Variants in PHACTR1 observed in about 807,000 individuals in gnomAD.
PHACTR1 encodes the protein phosphatase and actin regulator 1.
In PHACTR1, 16 loss-of-function variants were observed where a neutral mutation model predicts 69.2. The ratio of observed to expected loss-of-function variants is 0.23; its 90% CI spans 0.16 to 0.35. PHACTR1 has a LOEUF of 0.35. Ranked by LOEUF, PHACTR1 falls within the 10% of genes least tolerant of loss-of-function variation. PHACTR1 has a pLI of 1.00. For synonymous variants in PHACTR1, 312 were observed against 284.5 expected (o/e 1.10, Z -0.97); for missense variants, 510 against 734.7 (o/e 0.69, Z 3.54).
chr6:13,143,014 A>ACT (rs1822745139), intron 5 of PHACTR1, among the ~76,000 whole-genome samples: 1 of 152,340 alleles, frequency 6.6e-6, no homozygotes, highest in South Asian at 2.1e-4. Flanking sequence ...AAAAGAGGAA[A>ACT]GTGCCCAGCA....
chr6:13,266,298 C>T (rs1363424911), intron 10 of PHACTR1, among the ~76,000 whole-genome samples: 3 of 152,166 alleles, frequency 2.0e-5, no homozygotes, highest in East Asian at 3.8e-4. Context: ...TGTGCCAAGC[C>T]TCCCAAAGCC....
At chr6:13,238,320 C>CT (rs1584157729) in intron 10 of PHACTR1, among the ~76,000 whole-genome samples, 1 of 152,186 alleles carries the variant, frequency 6.6e-6, no homozygotes, top group Admixed American at 6.5e-5. Context: ...AATTCTTCCT[C>CT]TTTTCTCTCC....
At chr6:12,933,491 G>T in intron 4 of PHACTR1, 1 of 1,373,282 alleles carries the variant, frequency 7.3e-7, no homozygotes, top group Non-Finnish European at 9.8e-7. Context: ...ACTAGAAGAT[G>T]GACACAAAGG....
At chr6:13,170,035 G>A (rs1489167097) in intron 6 of PHACTR1, among the ~76,000 whole-genome samples, 2 of 152,178 alleles carry the variant, frequency 1.3e-5, no homozygotes, top group Non-Finnish European at 2.9e-5. Context: ...TGTGTACCAT[G>A]GCTAATGGAT....
chr6:12,835,321 G>A (rs930888328), intron 4 of PHACTR1, among the ~76,000 whole-genome samples: 1 of 152,082 alleles, frequency 6.6e-6, no homozygotes, highest in African/African-American at 2.4e-5. Context: ...TGTGAGGCTT[G>A]GGGAGCAGCT....
intron 5 of PHACTR1, among the ~76,000 whole-genome samples, chr6:13,151,460 T>A (rs1192313877): frequency 6.6e-6 from 1 of 152,220 alleles, no homozygotes; most frequent in African/African-American, 2.4e-5. Context: ...ATTGTACATC[T>A]AGCTATATAT....
At chr6:12,986,494 G>A (rs1052585496) in intron 4 of PHACTR1, among the ~76,000 whole-genome samples, 1 of 152,202 alleles carries the variant, frequency 6.6e-6, no homozygotes, top group Non-Finnish European at 1.5e-5. Context: ...CTCACTAGAT[G>A]AGAAGCCATA....
intron 5 of PHACTR1, among the ~76,000 whole-genome samples, chr6:13,082,068 G>A (rs1192677317): frequency 2.6e-5 from 4 of 152,168 alleles, no homozygotes; most frequent in Non-Finnish European, 4.4e-5. Flanking sequence ...AGGGGCCTAG[G>A]TGGGATCATT....
chr6:12,820,933 T>A (rs900799145), intron 4 of PHACTR1, among the ~76,000 whole-genome samples: 1 of 152,208 alleles, frequency 6.6e-6, no homozygotes, highest in Non-Finnish European at 1.5e-5. Context: ...CCCTATGTGC[T>A]GTTGAGAAAT....
chr6:13,018,558 TC>T (rs1281229782), intron 4 of PHACTR1, among the ~76,000 whole-genome samples: 2 of 152,156 alleles, frequency 1.3e-5, no homozygotes, highest in Non-Finnish European at 2.9e-5. Flanking sequence ...CTTGGGCCTT[TC>T]CCCCTGCTAT....
chr6:13,180,660 C>T (rs6935948), intron 6 of PHACTR1, among the ~76,000 whole-genome samples: 5,800 of 152,264 alleles, frequency 0.038, 241 homozygotes, highest in African/African-American at 0.1. Context: ...AGAATCAAAG[C>T]GGTTTCCTAG....
intron 5 of PHACTR1, among the ~76,000 whole-genome samples, chr6:13,088,481 C>T (rs558162274): frequency 2.6e-5 from 4 of 152,142 alleles, no homozygotes; most frequent in Non-Finnish European, 2.9e-5. Context: ...TTCTGTACTC[C>T]GAGTGTTTAT....
At chr6:13,249,425 G>T (rs1202887395) in intron 10 of PHACTR1, among the ~76,000 whole-genome samples, 1 of 152,152 alleles carries the variant, frequency 6.6e-6, no homozygotes, top group Admixed American at 6.5e-5. Context: ...TGCCAAAAAG[G>T]TTGGGGACAG....
At chr6:12,880,762 A>G (rs1783011202) in intron 4 of PHACTR1, among the ~76,000 whole-genome samples, 1 of 152,228 alleles carries the variant, frequency 6.6e-6, no homozygotes, top group African/African-American at 2.4e-5. Flanking sequence ...GAAAAAAAAG[A>G]AAAGCACTCC....
At chr6:13,083,054 C>T (rs1811669122) in intron 5 of PHACTR1, among the ~76,000 whole-genome samples, 1 of 152,150 alleles carries the variant, frequency 6.6e-6, no homozygotes, top group African/African-American at 2.4e-5. Flanking sequence ...CCTAGGTTTT[C>T]TTCTAGGGTT....
intron 5 of PHACTR1, among the ~76,000 whole-genome samples, chr6:13,115,041 A>G (rs1255521111): frequency 6.6e-6 from 1 of 152,202 alleles, no homozygotes; most frequent in Non-Finnish European, 1.5e-5. Context: ...ATAAAGCTGG[A>G]ATTCAAACTG....
chr6:12,985,417 A>C (rs950985498), intron 4 of PHACTR1, among the ~76,000 whole-genome samples: 1 of 151,762 alleles, frequency 6.6e-6, no homozygotes, highest in Admixed American at 6.6e-5. Context: ...ACCTCCTGTA[A>C]TTTTCTTCCC....
intron 10 of PHACTR1, among the ~76,000 whole-genome samples, chr6:13,255,584 G>A (rs762185773): frequency 2.8e-4 from 42 of 152,324 alleles, no homozygotes; most frequent in Middle Eastern, 6.8e-3. Context: ...AGATACATGG[G>A]GGTATAGGCA....
At chr6:13,139,659 A>G (rs1822118516) in intron 5 of PHACTR1, among the ~76,000 whole-genome samples, 2 of 152,234 alleles carry the variant, frequency 1.3e-5, no homozygotes, top group African/African-American at 4.8e-5. Context: ...CTCATTAACT[A>G]GAAACTTTGA....
Sources: allele counts gnomAD v4.1 joint callset (sites outside exome capture counted in the v4.1 genomes callset), GRCh38; gene constraint gnomAD v4.1.1; transcripts MANE v1.5; gene names NCBI Gene and HGNC (gene_info 2026-07-23, HGNC 2026-07-21).